Variants in ASXL1 observed in about 807,000 individuals in gnomAD.
The protein encoded by ASXL1 is polycomb group protein ASXL1.
Under a neutral mutation model 89.1 loss-of-function variants are expected in ASXL1, and 65 were observed. The ratio of observed to expected loss-of-function variants is 0.73; its 90% CI spans 0.60 to 0.90. The LOEUF is 0.90. Ranked by LOEUF, ASXL1 falls within the 40% of genes least tolerant of loss-of-function variation. The pLI, the probability that ASXL1 is intolerant of heterozygous loss-of-function variation, is 0.00. For missense variants in ASXL1, 1,786 were observed against 1,942.9 expected, an observed-to-expected ratio of 0.92 and a Z score of 1.52; for synonymous variants, 739 against 746.9, an observed-to-expected ratio of 0.99 and a Z score of 0.17.
In ASXL1 at chr20:32,378,819, A is replaced by C. The variant is rs571432573; in HGVS notation, c.252+9696A>C. On this transcript the variant is annotated intron_variant, in intron 4 of 12. Transcript: ENST00000375687. ...ATGCTTACCCTGTCTCAAAAAAAAAACACCCTCAACTAAATATAGTTAAAT... is the reference window on the plus strand; with the variant it reads ...ATGCTTACCCTGTCTCAAAAAAAAACCACCCTCAACTAAATATAGTTAAAT... 3.9e-5 allele frequency among the ~76,000 whole-genome samples: 6 copies of C among 151,982 alleles called. No homozygotes were observed. The East Asian group carries it at 9.7e-4, about 24-fold the overall frequency.
rs201490516 is a variant in ASXL1 at position 32,429,849 on chromosome 20, C to T, written c.566-52C>T. 4.0e-5 allele frequency: 64 copies of T among 1,595,928 alleles called. No individual in the cohort carries two copies. The highest frequency in any genetic ancestry group is 3.1e-4 in the Admixed American group (18 of 58,814). ...TGGGAGAAATGAGCTTGTCTGAGAGCCATGGGCGCGGCTTGGTGATACTTT... is the reference window on the plus strand; with the variant it reads ...TGGGAGAAATGAGCTTGTCTGAGAGTCATGGGCGCGGCTTGGTGATACTTT... On this transcript the variant is annotated intron_variant, in intron 7 of 12. Transcript: ENST00000375687. The surrounding 1 kb of genome is among the most constrained non-coding windows in gnomAD (Gnocchi z 4.9).
At chr20:32,358,926 C>T in intron 1 of ASXL1, 94 bp downstream of exon 1, 2 of 1,283,592 alleles carry the variant, frequency 1.6e-6, no homozygotes, top group Non-Finnish European at 1.0e-6. Context: ...CAAGGCCCTG[C>T]CCACCGCGGG....
At chr20:32,398,207 C>A (rs897423366) in intron 4 of ASXL1, among the ~76,000 whole-genome samples, 9 of 151,942 alleles carry the variant, frequency 5.9e-5, no homozygotes, top group Non-Finnish European at 1.0e-4. Flanking sequence ...CAAAATTAAC[C>A]ATTTTATTTT....
chr20:32,414,084 C>T (rs546496833), intron 4 of ASXL1, among the ~76,000 whole-genome samples: 4 of 152,114 alleles, frequency 2.6e-5, no homozygotes, highest in East Asian at 3.9e-4. Context: ...TTTTTTTGAC[C>T]GGAAGATTTT....
At chr20:32,385,415 A>G (rs1181684848) in intron 4 of ASXL1, among the ~76,000 whole-genome samples, 1 of 152,212 alleles carries the variant, frequency 6.6e-6, no homozygotes, top group Non-Finnish European at 1.5e-5. Flanking sequence ...TGAGAGGAGT[A>G]GGGAGCAAAA....
chr20:32,377,972 C>CTGTGTG (rs112878923), intron 4 of ASXL1, among the ~76,000 whole-genome samples: 1,472 of 115,370 alleles, frequency 0.013, 35 homozygotes, highest in Non-Finnish European at 0.015. Flanking sequence ...AGTTTTGACT[C>CTGTGTG]TGTGTGTGTG....
intron 6 of ASXL1, 137 bp downstream of exon 6, chr20:32,428,559 A>G (rs1466540311): frequency 1.7e-5 from 14 of 810,550 alleles, no homozygotes; most frequent in Non-Finnish European, 2.5e-5. Flanking sequence ...TGTTAGTAGC[A>G]TTTAACAGGG....
chr20:32,418,999 ATTAT>A (rs1272837638), intron 4 of ASXL1, among the ~76,000 whole-genome samples: 1 of 151,514 alleles, frequency 6.6e-6, no homozygotes, highest in African/African-American at 2.4e-5. Context: ...TGTCTGGCTA[ATTAT>A]TGTATTTTTG....
At chr20:32,381,498 G>A (rs1299942124) in intron 4 of ASXL1, among the ~76,000 whole-genome samples, 2 of 150,794 alleles carry the variant, frequency 1.3e-5, no homozygotes, top group South Asian at 2.1e-4. Flanking sequence ...CACTGGTCCA[G>A]CCTCTTACCA....
intron 8 of ASXL1, 23 bp from the exon 9 acceptor site, chr20:32,431,298 A>G (rs776303173): frequency 4.3e-6 from 7 of 1,614,088 alleles, no homozygotes; most frequent in African/African-American, 2.7e-5. Flanking sequence ...GCTGAAATCT[A>G]TACCTTGCTT....
chr20:32,372,506 G>A (rs2048314480), intron 4 of ASXL1: 1 of 687,512 alleles, frequency 1.5e-6, no homozygotes, highest in South Asian at 6.7e-5. Context: ...ATTACCCACA[G>A]TACTAGGTAC....
At chr20:32,421,291 G>C (rs1252170863) in intron 4 of ASXL1, among the ~76,000 whole-genome samples, 2 of 148,998 alleles carry the variant, frequency 1.3e-5, no homozygotes, top group Non-Finnish European at 3.0e-5. Context: ...TAGACATTAG[G>C]CAAATTAAAA....
In ASXL1 at chr20:32,433,520, C is replaced by T. The variant is rs751518063; in HGVS notation, c.1322C>T (p.Ser441Phe). The change falls in exon 12 of 13, where the codon TCT becomes TTT. Residue 441 changes from serine (S) to phenylalanine (F), a missense_variant. Around this residue, in one of 3 missense-constraint regions of ASXL1, gnomAD observed 1,418 missense variants for 1,427.8 expected, o/e 0.99. Coordinates refer to ENST00000375687, the MANE Select transcript of ASXL1 (RefSeq NM_015338.6). Reference protein sequence around the residue: ...EQAGVAKDAKSVASDVPLYKD... With the variant: ...EQAGVAKDAKFVASDVPLYKD... The stretch of plus-strand genomic sequence containing the variant: ...GCAGGGGTTGCTAAGGATGCAAAAT[C>T]TGTGGCCTCAGATGTTCCCCTCTAC... 1.9e-6 allele frequency: 3 copies of T among 1,614,190 alleles called. No homozygotes were observed. The highest frequency in any genetic ancestry group is 1.7e-6 in the Non-Finnish European group (2 of 1,180,038).
chr20:32,384,940 AC>A (rs1229252631), intron 4 of ASXL1, among the ~76,000 whole-genome samples: 1 of 152,062 alleles, frequency 6.6e-6, no homozygotes, highest in Non-Finnish European at 1.5e-5. Flanking sequence ...AGAAGATTGT[AC>A]ATACTCTAGG....
At chr20:32,385,662 T>C (rs991316610) in intron 4 of ASXL1, among the ~76,000 whole-genome samples, 7 of 152,106 alleles carry the variant, frequency 4.6e-5, no homozygotes, top group Non-Finnish European at 8.8e-5. Context: ...CACCACCCTA[T>C]CCTAAATTAT....
intron 11 of ASXL1, 63 bp downstream of exon 11, chr20:32,433,048 C>A: frequency 6.3e-7 from 1 of 1,599,228 alleles, no homozygotes; most frequent in Non-Finnish European, 8.5e-7. Context: ...TAGATGGTCT[C>A]AAAATAGCAT....
At chr20:32,415,712 C>T (rs1015437419) in intron 4 of ASXL1, among the ~76,000 whole-genome samples, 1 of 152,176 alleles carries the variant, frequency 6.6e-6, no homozygotes, top group African/African-American at 2.4e-5. Flanking sequence ...TCTTACCTTC[C>T]TGCTCAACCT....
rs2048049177 is a variant in ASXL1 at position 32,358,495 on chromosome 20, C to G, written c.-281C>G. The G allele has an allele frequency of 4.3e-6, 1 of 230,168 alleles. No individual in the cohort carries two copies. Among genetic ancestry groups the G allele is most frequent in the Non-Finnish European group, 8.6e-6 (1 of 116,258 alleles). 14.3% of individuals were successfully genotyped at this position (230,168 alleles called of 1,614,324 possible). On this transcript the variant is annotated 5_prime_UTR_variant, in exon 1 of 13. Coordinates refer to ENST00000375687, the MANE Select transcript of ASXL1 (RefSeq NM_015338.6). The stretch of plus-strand genomic sequence containing the variant: ...CTCTGACCCCGTGGTTATGCGGAGC[C>G]GCCGCATTCCTTAGCGATCGCGGGG...
At chr20:32,380,623 ATCTG>A (rs2048470761) in intron 4 of ASXL1, among the ~76,000 whole-genome samples, 1 of 152,036 alleles carries the variant, frequency 6.6e-6, no homozygotes, top group Non-Finnish European at 1.5e-5. Flanking sequence ...GGTAGCCTGC[ATCTG>A]TAGTTGGAGG....
Sources: gnomAD v4.1 joint callset for allele counts (sites outside exome capture counted in the v4.1 genomes callset) on GRCh38, gnomAD v4.1.1 for gene constraint, gnomAD v4.1.1 regional missense constraint, Gnocchi (gnomAD v3.1) non-coding constraint, MANE v1.5 for transcripts, NCBI Gene and HGNC (gene_info 2026-07-23, HGNC 2026-07-21) for gene names.